Variants in TJP1 observed in about 807,000 individuals in gnomAD.
TJP1 encodes tight junction protein 1, also known as tight junction protein ZO-1.
In TJP1, 43 loss-of-function variants were observed where a neutral mutation model predicts 194.2. The observed-to-expected ratio is 0.22, with a 90% CI of 0.17 to 0.29. The LOEUF (loss-of-function observed/expected upper bound fraction) is 0.29. Among genes scored for constraint, TJP1 ranks in the 10% least tolerant of loss-of-function variants. TJP1 has a pLI of 1.00. For synonymous variants in TJP1, 801 were observed against 779.0 expected, an observed-to-expected ratio of 1.03 and a Z score of -0.47; for missense variants, 1,971 against 2,185.7, an observed-to-expected ratio of 0.90 and a Z score of 1.96.
At chr15:29,891,111 C>T (rs2053292668) in intron 2 of TJP1, among the ~76,000 whole-genome samples, 1 of 152,174 alleles carries the variant, frequency 6.6e-6, no homozygotes, top group African/African-American at 2.4e-5. Context: ...AGCTCAAATC[C>T]CCCTTCTTCC....
At chr15:29,885,743 C>T (rs2053094709) in intron 2 of TJP1, among the ~76,000 whole-genome samples, 1 of 152,194 alleles carries the variant, frequency 6.6e-6, no homozygotes, top group Admixed American at 6.5e-5. Context: ...GCCTCTATTT[C>T]AGTAAAGAGC....
Position 29,906,139 on chromosome 15 carries a change from C to A in TJP1, c.306+50093G>T, listed in dbSNP as rs72721154. ...AAGGGGTATACAGAAACTCTCTGTACTTTCCACTCAAGTTTGCTGTGAACC... is the reference window on the plus strand; with the variant it reads ...AAGGGGTATACAGAAACTCTCTGTAATTTCCACTCAAGTTTGCTGTGAACC... On this transcript the variant is annotated intron_variant, in intron 2 of 28. Transcript: ENST00000356107. Among the ~76,000 whole-genome samples the A allele has an allele frequency of 2.1e-3, 326 of 152,124 alleles. 1 individual carries two copies. The highest frequency in any genetic ancestry group is 7.5e-3 in the African/African-American group (312 of 41,508).
intron 2 of TJP1, among the ~76,000 whole-genome samples, chr15:29,947,296 A>G (rs1464067533): frequency 2.0e-5 from 3 of 152,228 alleles, no homozygotes; most frequent in African/African-American, 7.2e-5. Context: ...GAAAACAGAA[A>G]TAAGCCACCA....
At chr15:29,703,203 C>A (rs1054762677) in intron 27 of TJP1, among the ~76,000 whole-genome samples, 6 of 152,184 alleles carry the variant, frequency 3.9e-5, no homozygotes, top group African/African-American at 1.4e-4. Context: ...GTAATCCCAG[C>A]ACTCTGGGAG....
At chr15:29,939,900 G>C (rs1216280882) in intron 2 of TJP1, among the ~76,000 whole-genome samples, 1 of 152,106 alleles carries the variant, frequency 6.6e-6, no homozygotes, top group East Asian at 1.9e-4. Context: ...CCAGAACCAT[G>C]AGAAATAAAC....
intron 26 of TJP1, among the ~76,000 whole-genome samples, chr15:29,705,295 T>C (rs766054666): frequency 4.6e-5 from 7 of 152,228 alleles, no homozygotes; most frequent in Non-Finnish European, 1.0e-4. Context: ...GCCTGTCCTA[T>C]GCCATCATTT....
chr15:29,882,696 C>T lies in TJP1; in HGVS notation c.306+73536G>A, dbSNP rs373476541. On this transcript the variant is annotated intron_variant, in intron 2 of 28. Transcript: ENST00000356107. Reference sequence around the variant, plus strand: ...ACCGAAAGGTCCTTGTATAATGACCCTCCCCAAACGAAGAGCCACTGGTCC... The same window carrying T: ...ACCGAAAGGTCCTTGTATAATGACCTTCCCCAAACGAAGAGCCACTGGTCC... 5.3e-5 allele frequency among the ~76,000 whole-genome samples: 8 copies of T among 152,292 alleles called. 1 individual carries two copies. Among genetic ancestry groups the T allele is most frequent in the African/African-American group, 1.9e-4 (8 of 41,558 alleles).
chr15:29,732,366 A>C, intron 15 of TJP1, 67 bp downstream of exon 15: 1 of 1,291,436 alleles, frequency 7.7e-7, no homozygotes, highest in Admixed American at 1.9e-5. Flanking sequence ...GAATGAGTGA[A>C]TCAGAACTCA....
At chr15:29,923,896 T>C (rs1194122824) in intron 2 of TJP1, among the ~76,000 whole-genome samples, 1 of 152,204 alleles carries the variant, frequency 6.6e-6, no homozygotes, top group Admixed American at 6.5e-5. Context: ...AGTACCCTCA[T>C]GCTTACAGCT....
At position 29,926,927 on chromosome 15, in the gene TJP1, A is replaced by G. The variant is rs528849234; in HGVS notation, c.306+29305T>C. On this transcript the variant is annotated intron_variant, in intron 2 of 28. Coordinates refer to the TJP1 transcript ENST00000356107. ...GCCTGAAAAATTACCCTAGTATTCA[A>G]GCTACTTGTGTAAATTACAGAAATT... 7.9e-5 allele frequency among the ~76,000 whole-genome samples: 12 copies of G among 152,340 alleles called. No homozygotes were observed. The South Asian group carries it at 2.5e-3, about 32-fold the overall frequency.
intron 2 of TJP1, among the ~76,000 whole-genome samples, chr15:29,884,123 C>T (rs1013476015): frequency 5.3e-5 from 8 of 152,164 alleles, no homozygotes; most frequent in Admixed American, 5.2e-4. Context: ...TATTATGCAG[C>T]ATGTGGTCAT....
At chr15:29,793,477 A>G (rs1229696896) in intron 2 of TJP1, among the ~76,000 whole-genome samples, 1 of 152,212 alleles carries the variant, frequency 6.6e-6, no homozygotes. Context: ...TATATAAAAA[A>G]AGAGTTCATT....
At chr15:29,832,925 CTG>C (rs1299365068) in intron 2 of TJP1, among the ~76,000 whole-genome samples, 2 of 152,194 alleles carry the variant, frequency 1.3e-5, no homozygotes, top group African/African-American at 4.8e-5. Flanking sequence ...ACACACATCC[CTG>C]TGAGAGGCCG....
intron 2 of TJP1, among the ~76,000 whole-genome samples, chr15:29,841,128 G>A (rs1301704139): frequency 6.6e-6 from 1 of 152,148 alleles, no homozygotes; most frequent in African/African-American, 2.4e-5. Context: ...AATGTGACTG[G>A]ATAAGGCTGA....
At chr15:29,843,774 G>A (rs150021035) in intron 2 of TJP1, among the ~76,000 whole-genome samples, 53 of 152,274 alleles carry the variant, frequency 3.5e-4, no homozygotes, top group African/African-American at 1.3e-3. Context: ...GGCAGGGGAC[G>A]GCTCAATCTA....
chr15:29,825,051 TTAAA>T (rs2050636132), upstream of TJP1, among the ~76,000 whole-genome samples: 1 of 152,184 alleles, frequency 6.6e-6, no homozygotes, highest in East Asian at 1.9e-4. Flanking sequence ...AGTCTGTTCT[TTAAA>T]TAAACAAGAG....
intron 2 of TJP1, among the ~76,000 whole-genome samples, chr15:29,832,734 C>A (rs1318637530): frequency 6.6e-6 from 1 of 152,198 alleles, no homozygotes; most frequent in Admixed American, 6.5e-5. Context: ...CTGATAGAGG[C>A]AGATGTGGGA....
At chr15:29,826,705 A>G (rs1451419532), upstream of TJP1, among the ~76,000 whole-genome samples, 1 of 152,088 alleles carries the variant, frequency 6.6e-6, no homozygotes, top group African/African-American at 2.4e-5. Flanking sequence ...TGAGAATTCA[A>G]GCGTCTTCTA....
intron 2 of TJP1, among the ~76,000 whole-genome samples, chr15:29,866,942 C>T (rs1357180233): frequency 6.6e-6 from 1 of 152,156 alleles, no homozygotes; most frequent in Admixed American, 6.5e-5. Context: ...CCTGAGCACT[C>T]AGAAAGATAC....
Sources: allele counts gnomAD v4.1 joint callset (sites outside exome capture counted in the v4.1 genomes callset), GRCh38; gene constraint gnomAD v4.1.1; transcripts MANE v1.5; gene names NCBI Gene and HGNC (gene_info 2026-07-23, HGNC 2026-07-21).